Variants in SMC3 observed in about 807,000 individuals in gnomAD.
SMC3 encodes the protein structural maintenance of chromosomes protein 3.
In SMC3, 20 loss-of-function variants were observed where a neutral mutation model predicts 171.8. The ratio of observed to expected loss-of-function variants is 0.12; its 90% CI spans 0.08 to 0.17. The LOEUF is 0.17. SMC3 is among the 10% of genes least tolerant of loss of function. The pLI is 1.00. For missense variants in SMC3, 543 were observed against 1,420.4 expected, an observed-to-expected ratio of 0.38 and a Z score of 9.93; for synonymous variants, 464 against 451.1, an observed-to-expected ratio of 1.03 and a Z score of -0.36.
intron 2 of SMC3, 131 bp downstream of exon 2, chr10:110,569,144 A>G: frequency 1.4e-6 from 1 of 704,132 alleles, no homozygotes; most frequent in South Asian, 1.6e-5. Context: ...TGCGTGAAAT[A>G]ACTTTTCTGT....
chr10:110,573,432 A>T (rs1324317955), intron 2 of SMC3, among the ~76,000 whole-genome samples: 1 of 152,138 alleles, frequency 6.6e-6, no homozygotes, highest in African/African-American at 2.4e-5. Context: ...TAGTATATTT[A>T]GCTATTCCTA....
intron 2 of SMC3, among the ~76,000 whole-genome samples, chr10:110,571,234 C>T (rs560954451): frequency 6.6e-6 from 1 of 152,156 alleles, no homozygotes; most frequent in African/African-American, 2.4e-5. Flanking sequence ...TGTGATTAGT[C>T]CTGGTTTCCT....
At chr10:110,588,218 T>C (rs1249270565) in intron 13 of SMC3, among the ~76,000 whole-genome samples, 2 of 152,112 alleles carry the variant, frequency 1.3e-5, no homozygotes, top group Non-Finnish European at 2.9e-5. Context: ...TCTCCATCTC[T>C]TGACTTCATG....
In SMC3 at chr10:110,604,573, T is replaced by C. The variant is rs576286124; in HGVS notation, c.*271T>C. On this transcript the variant is annotated 3_prime_UTR_variant, in exon 29 of 29. Transcript: ENST00000361804. Reference sequence around the variant, plus strand: ...AAACATGCTAAATATTCTTTCCTAATTATTTTATCACTTATACTACCTTTT... The same window carrying C: ...AAACATGCTAAATATTCTTTCCTAACTATTTTATCACTTATACTACCTTTT... 4.1e-5 allele frequency: 16 copies of C among 389,512 alleles called. No homozygotes were observed. The South Asian group carries it at 4.3e-4, about 10-fold the overall frequency. The allele number at this position is 389,512 out of a possible 1,614,324, so 24.1% of individuals were successfully genotyped here.
At chr10:110,570,126 A>G (rs1590547178) in intron 2 of SMC3, among the ~76,000 whole-genome samples, 2 of 152,166 alleles carry the variant, frequency 1.3e-5, no homozygotes, top group South Asian at 2.1e-4. Flanking sequence ...TTCCTGGCTT[A>G]TGGACAGCTG....
chr10:110,578,398 A>C (rs1443135357), intron 6 of SMC3, among the ~76,000 whole-genome samples: 3 of 152,244 alleles, frequency 2.0e-5, no homozygotes, highest in Non-Finnish European at 4.4e-5. Context: ...CTTACAAAAG[A>C]GTAAAAAGTA....
chr10:110,591,282 AGTGG>A lies in SMC3; in HGVS notation c.1812+153_1812+156del, dbSNP rs1314267824. On this transcript the variant is annotated intron_variant, in intron 17 of 28. Coordinates refer to ENST00000361804, the MANE Select transcript of SMC3 (RefSeq NM_005445.4). The stretch of plus-strand genomic sequence containing the variant: ...TGTCTTCCCATGGACCTTAGTGCTG[AGTGG>A]GTTTTGGGGAGGGAGACAGAAGTCA... 3 of 817,474 alleles carry A rather than the reference AGTGG, an allele frequency of 3.7e-6. No individual in the cohort carries two copies. The East Asian group carries it at 8.2e-5, about 22-fold the overall frequency. 50.6% of individuals were successfully genotyped at this position (817,474 alleles called of 1,614,324 possible). A position where few individuals can be genotyped will look rare whatever the true frequency, so the allele number is the denominator to read the frequency against.
intron 19 of SMC3, 52 bp downstream of exon 19, chr10:110,596,602 T>C (rs1212961224): frequency 6.4e-7 from 1 of 1,552,488 alleles, no homozygotes; most frequent in Non-Finnish European, 8.8e-7. Context: ...AAGAACTGTG[T>C]TTTGGTTGCC....
intron 3 of SMC3, among the ~76,000 whole-genome samples, chr10:110,574,896 T>C (rs945154339): frequency 6.6e-6 from 1 of 152,226 alleles, no homozygotes; most frequent in Non-Finnish European, 1.5e-5. Context: ...CTTAGTTTTA[T>C]TTCTTTTGGT....
rs1259646711 is a variant in SMC3, at chr10:110,601,716, A to G, written c.2724A>G (p.Glu908=). The G allele has an allele frequency of 3.1e-6, 5 of 1,613,448 alleles. No homozygotes were observed. Among genetic ancestry groups the G allele is most frequent in the Non-Finnish European group, 4.2e-6 (5 of 1,179,756 alleles). The change falls in exon 24 of 29, where the codon GAA becomes GAG. Residue 908 remains glutamate (E), a synonymous_variant. Transcript: ENST00000361804. ...GTATGGAGCGCTGGAAAAATATGGA[A>G]AAAGAACATATGGATGCTATAAATC... is the stretch of plus-strand genomic sequence containing the variant. The part of the protein sequence containing the change: ...QKSMERWKNM[E]KEHMDAINHD...
At chr10:110,577,139 A>G (rs1036065278) in intron 4 of SMC3, among the ~76,000 whole-genome samples, 1 of 152,154 alleles carries the variant, frequency 6.6e-6, no homozygotes, top group Non-Finnish European at 1.5e-5. Flanking sequence ...TTTATTTAGA[A>G]TCAAAAGCTA....
At chr10:110,587,063 G>A (rs1861131173) in intron 13 of SMC3, among the ~76,000 whole-genome samples, 2 of 152,086 alleles carry the variant, frequency 1.3e-5, no homozygotes. Context: ...GTTTTATTAT[G>A]CTTTATTACA....
At chr10:110,578,479 A>G (rs1459215631) in intron 6 of SMC3, 149 bp from the exon 7 acceptor site, 3 of 643,578 alleles carry the variant, frequency 4.7e-6, no homozygotes, top group Admixed American at 5.2e-5. Flanking sequence ...GAGGATAAAC[A>G]TAAGAATCAG....
At chr10:110,574,456 G>A (rs1860917363) in intron 3 of SMC3, among the ~76,000 whole-genome samples, 2 of 152,184 alleles carry the variant, frequency 1.3e-5, no homozygotes, top group African/African-American at 4.8e-5. Context: ...GCATTTAGTG[G>A]ACTGGCTTAG....
chr10:110,573,589 ATG>A, intron 2 of SMC3, 116 bp from the exon 3 acceptor site: 2 of 649,316 alleles, frequency 3.1e-6, no homozygotes. Flanking sequence ...TTAATTTCAG[ATG>A]TTAAGATGTA....
In SMC3 at chr10:110,568,641, T is replaced by G. The variant is rs11195189; in HGVS notation, c.16-297T>G. ...AGACTTGCTATTGTACTGCAGCGTT[T>G]AGGGTTCAGTTAAGCTCACACAGTG... On this transcript the variant is annotated intron_variant, in intron 1 of 28. Coordinates refer to ENST00000361804, the MANE Select transcript of SMC3 (RefSeq NM_005445.4). Among the ~76,000 whole-genome samples the G allele has an allele frequency of 4.6e-3, 701 of 152,228 alleles. 9 individuals are homozygous for G. The highest frequency in any genetic ancestry group is 0.015 in the African/African-American group (635 of 41,526).
intron 19 of SMC3, among the ~76,000 whole-genome samples, chr10:110,596,995 T>G (rs1437064495): frequency 6.6e-6 from 1 of 152,060 alleles, no homozygotes; most frequent in Non-Finnish European, 1.5e-5. Flanking sequence ...TGGCATTTTA[T>G]TGTACTTGTA....
chr10:110,599,598 CA>C, intron 20 of SMC3, 55 bp from the exon 21 acceptor site: 1 of 1,490,164 alleles, frequency 6.7e-7, no homozygotes, highest in Non-Finnish European at 9.2e-7. Flanking sequence ...TTAAAATTTT[CA>C]CTATAAGTAA....
Position 110,598,317 on chromosome 10 carries a change from A to G in SMC3, c.2268+27A>G, listed in dbSNP as rs1260950499. Reference sequence around the variant, plus strand: ...TTCGTAAGTATATCTTTGGTTATAGATCGATTGTTACAGATTAATAATATG... The same window carrying G: ...TTCGTAAGTATATCTTTGGTTATAGGTCGATTGTTACAGATTAATAATATG... On this transcript the variant is annotated intron_variant, in intron 20 of 28. Coordinates refer to ENST00000361804, the MANE Select transcript of SMC3 (RefSeq NM_005445.4). 4.4e-6 allele frequency: 7 copies of G among 1,600,000 alleles called. No individual in the cohort carries two copies. In the East Asian group the frequency reaches 8.9e-5, roughly 20 times the overall value.
Sources: allele counts gnomAD v4.1 joint callset (sites outside exome capture counted in the v4.1 genomes callset), GRCh38; gene constraint gnomAD v4.1.1; transcripts MANE v1.5; gene names NCBI Gene and HGNC (gene_info 2026-07-23, HGNC 2026-07-21).